The following SCAF8 variants were observed in gnomAD, a reference collection of about 807,000 sequenced individuals.
The protein encoded by SCAF8 is SR-related and CTD-associated factor 8.
A neutral mutation model predicts 140.5 loss-of-function variants in SCAF8; 23 were observed. The ratio of observed to expected loss-of-function variants is 0.16; its 90% CI spans 0.12 to 0.23. SCAF8 has a LOEUF of 0.23. Ranked by LOEUF, SCAF8 falls within the 10% of genes least tolerant of loss-of-function variation. SCAF8 has a pLI of 1.00. For synonymous variants in SCAF8, 575 were observed against 528.9 expected, an observed-to-expected ratio of 1.09 and a Z score of -1.20; for missense variants, 1,397 against 1,555.7, an observed-to-expected ratio of 0.90 and a Z score of 1.72.
chr6:154,809,091 G>T (rs562920902), intron 11 of SCAF8, among the ~76,000 whole-genome samples: 1 of 152,014 alleles, frequency 6.6e-6, no homozygotes, highest in East Asian at 1.9e-4. Flanking sequence ...GAATATTGTT[G>T]CCCCTGAACA....
chr6:154,781,342 A>G (rs111748721), intron 3 of SCAF8, among the ~76,000 whole-genome samples: 3 of 152,224 alleles, frequency 2.0e-5, no homozygotes, highest in African/African-American at 7.2e-5. Context: ...ATCAGAGAGG[A>G]CACAAACAAA....
intron 3 of SCAF8, among the ~76,000 whole-genome samples, chr6:154,782,443 G>GA (rs1283432711): frequency 1.3e-5 from 2 of 149,810 alleles, no homozygotes; most frequent in Non-Finnish European, 3.0e-5. Context: ...CAAACAAACA[G>GA]AAAAAATGGG....
In SCAF8 at chr6:154,832,385, G is replaced by A. The variant is rs778324028; in HGVS notation, c.2806G>A (p.Gly936Arg). 7 of 1,613,902 alleles carry A rather than the reference G, an allele frequency of 4.3e-6. No individual in the cohort carries two copies. The East Asian group carries it at 1.6e-4, about 36-fold the overall frequency. Residue 936 changes from glycine (G) to arginine (R), a missense_variant, in exon 20 of 20, where the codon GGG becomes AGG. Gly to Arg is a moderately radical substitution (Grantham distance 125). Transcript: ENST00000367178. ...IRPGLIPQAP[G>R]PRFPLIQPGI... ...TCCGGGACTAATACCACAGGCACCTGGGCCAAGATTCCCTTTAATACAGCC... is the reference window on the plus strand; with the variant it reads ...TCCGGGACTAATACCACAGGCACCTAGGCCAAGATTCCCTTTAATACAGCC...
chr6:154,735,204 C>G (rs891443092), intron 1 of SCAF8, among the ~76,000 whole-genome samples: 1 of 151,450 alleles, frequency 6.6e-6, no homozygotes, highest in Non-Finnish European at 1.5e-5. Context: ...TCTTAAAGTG[C>G]CAATACTTTA....
chr6:154,796,157 C>G (rs1777594646), intron 6 of SCAF8, among the ~76,000 whole-genome samples: 1 of 152,106 alleles, frequency 6.6e-6, no homozygotes, highest in African/African-American at 2.4e-5. Context: ...TTTTCAGACT[C>G]ATAGAAATAC....
chr6:154,750,623 A>G (rs189265421), intron 1 of SCAF8, among the ~76,000 whole-genome samples: 30 of 152,350 alleles, frequency 2.0e-4, no homozygotes, highest in Non-Finnish European at 3.2e-4. Context: ...AATAAAATTA[A>G]GGATTCAAAT....
chr6:154,774,194 T>A, intron 2 of SCAF8, 122 bp downstream of exon 2: 1 of 685,498 alleles, frequency 1.5e-6, no homozygotes, highest in Admixed American at 2.8e-5. Flanking sequence ...ACACATATTG[T>A]GGAAAAACAC....
At chr6:154,760,741 T>C (rs1776358943) in intron 1 of SCAF8, among the ~76,000 whole-genome samples, 1 of 152,166 alleles carries the variant, frequency 6.6e-6, no homozygotes, top group African/African-American at 2.4e-5. Context: ...AATTTTTTCA[T>C]ATTAAAATAT....
intron 3 of SCAF8, among the ~76,000 whole-genome samples, chr6:154,778,770 TGTGTGTGTGTGTGTGTG>T: frequency 3.5e-5 from 1 of 28,240 alleles, no homozygotes; most frequent in South Asian, 1.1e-3. Context: ...TCTCAAAAAA[TGTGTGTGTGTGTGTGTG>T]TGTGTGTGTG....
intron 5 of SCAF8, among the ~76,000 whole-genome samples, chr6:154,794,759 T>TG (rs1176203256): frequency 0.011 from 110 of 9,838 alleles, 2 homozygotes; most frequent in East Asian, 0.018. Context: ...ATCCTTTTGG[T>TG]GGGGGGGGGG....
rs1034784227 is a variant in SCAF8, at chr6:154,816,406, C to T, written c.1521+590C>T. ...CACTAGTTTTGCACCACTCAGTCTC[C>T]TCCTTTGAGTCTGTGTTTTATTCTT... On this transcript the variant is annotated intron_variant, in intron 13 of 19. Transcript: ENST00000367178. Among the ~76,000 whole-genome samples, 4 of 152,192 alleles carry T rather than the reference C, an allele frequency of 2.6e-5. 1 individual carries two copies. The highest frequency in any genetic ancestry group is 7.2e-5 in the African/African-American group (3 of 41,434).
At chr6:154,793,651 TTAAAAA>T (rs1178576866) in intron 5 of SCAF8, among the ~76,000 whole-genome samples, 1 of 151,164 alleles carries the variant, frequency 6.6e-6, no homozygotes, top group African/African-American at 2.4e-5. Flanking sequence ...CCTGTCTACA[TTAAAAA>T]TAAAAAAATC....
At chr6:154,797,107 T>G (rs1299424070) in intron 6 of SCAF8, among the ~76,000 whole-genome samples, 1 of 151,826 alleles carries the variant, frequency 6.6e-6, no homozygotes, top group Non-Finnish European at 1.5e-5. Flanking sequence ...CTGAATAAAT[T>G]TTATAATAAA....
chr6:154,788,782 T>G (rs1777326380), intron 4 of SCAF8, among the ~76,000 whole-genome samples: 1 of 152,200 alleles, frequency 6.6e-6, no homozygotes, highest in Non-Finnish European at 1.5e-5. Context: ...AAATAGCAAG[T>G]AAAAAAGCTT....
chr6:154,815,891 C>T, intron 13 of SCAF8, 75 bp downstream of exon 13: 1 of 778,480 alleles, frequency 1.3e-6, no homozygotes, highest in South Asian at 1.7e-5. Flanking sequence ...ACTTCTGTTC[C>T]TAATTAGCCC....
At chr6:154,754,860 T>C (rs999189501) in intron 1 of SCAF8, among the ~76,000 whole-genome samples, 1 of 152,220 alleles carries the variant, frequency 6.6e-6, no homozygotes, top group Non-Finnish European at 1.5e-5. Context: ...GGATTCAGTC[T>C]CATATCTTCA....
At chr6:154,783,568 A>G (rs1006279601) in intron 3 of SCAF8, among the ~76,000 whole-genome samples, 2 of 152,246 alleles carry the variant, frequency 1.3e-5, no homozygotes, top group Non-Finnish European at 2.9e-5. Flanking sequence ...TTTGTAAATA[A>G]TAAATGAAAA....
intron 3 of SCAF8, among the ~76,000 whole-genome samples, chr6:154,781,944 A>G (rs1777098489): frequency 6.6e-6 from 1 of 152,180 alleles, no homozygotes. Flanking sequence ...TTATCCGTGA[A>G]CCCATGTTTT....
At chr6:154,799,163 A>G (rs1777693789) in intron 6 of SCAF8, among the ~76,000 whole-genome samples, 1 of 150,660 alleles carries the variant, frequency 6.6e-6, no homozygotes, top group African/African-American at 2.4e-5. Flanking sequence ...TTTTTAGTAG[A>G]TACGGGGTTT....
Sources: allele counts gnomAD v4.1 joint callset (sites outside exome capture counted in the v4.1 genomes callset), GRCh38; gene constraint gnomAD v4.1.1; transcripts MANE v1.5; gene names NCBI Gene and HGNC (gene_info 2026-07-23, HGNC 2026-07-21).